MCF2L2: variants seen among roughly 807,000 people sequenced by gnomAD.
MCF2L2 encodes the protein probable guanine nucleotide exchange factor MCF2L2.
Under a neutral mutation model 150.2 loss-of-function variants are expected in MCF2L2, and 102 were observed. That is an observed-to-expected ratio of 0.68 (90% CI 0.58 to 0.80). MCF2L2 has a LOEUF of 0.80. Ranked by LOEUF, MCF2L2 falls within the 30% of genes least tolerant of loss-of-function variation. The pLI, the probability that MCF2L2 is intolerant of heterozygous loss-of-function variation, is 0.00. For missense variants in MCF2L2, 1,256 were observed against 1,372.8 expected, an observed-to-expected ratio of 0.91 and a Z score of 1.34; for synonymous variants, 465 against 491.3, an observed-to-expected ratio of 0.95 and a Z score of 0.71.
At chr3:183,204,463 G>GATAATAATA (rs3075571) in intron 25 of MCF2L2, among the ~76,000 whole-genome samples, 8 of 148,980 alleles carry the variant, frequency 5.4e-5, no homozygotes, top group South Asian at 2.1e-4. Context: ...GGATGGCAAT[G>GATAATAATA]ATAATAATAA....
At chr3:183,224,449 A>T (rs1723270980) in intron 18 of MCF2L2, 1 of 347,980 alleles carries the variant, frequency 2.9e-6, no homozygotes, top group Non-Finnish European at 5.3e-6. Context: ...GTAAATACAT[A>T]AGTAGACTCA....
At chr3:183,378,606 G>GC (rs1713328336) in intron 3 of MCF2L2, 1 of 152,118 alleles carries the variant, frequency 6.6e-6, no homozygotes, top group Non-Finnish European at 1.5e-5. Flanking sequence ...ACAACAATCT[G>GC]CCCCTAATTT....
chr3:183,302,881 T>G (rs1217751484), intron 10 of MCF2L2, among the ~76,000 whole-genome samples: 1 of 152,082 alleles, frequency 6.6e-6, no homozygotes, highest in Non-Finnish European at 1.5e-5. Flanking sequence ...ACTATTTTCT[T>G]TATTTACTTT....
At chr3:183,342,407 A>G (rs1180598956) in intron 3 of MCF2L2, among the ~76,000 whole-genome samples, 1 of 152,154 alleles carries the variant, frequency 6.6e-6, no homozygotes, top group African/African-American at 2.4e-5. Context: ...TTCTCTGTAA[A>G]ATGAGAATCA....
intron 4 of MCF2L2, among the ~76,000 whole-genome samples, chr3:183,340,631 T>G (rs1400115252): frequency 6.6e-6 from 1 of 152,158 alleles, no homozygotes; most frequent in Admixed American, 6.5e-5. Flanking sequence ...GGTTTTACCA[T>G]TGTCTTTCTA....
chr3:183,396,956 T>G (rs188621768), intron 1 of MCF2L2, among the ~76,000 whole-genome samples: 2 of 152,180 alleles, frequency 1.3e-5, no homozygotes, highest in Non-Finnish European at 2.9e-5. Context: ...CCAGGGCCTC[T>G]AGAGAGTGGC....
At chr3:183,317,190 C>T (rs980789229) in intron 7 of MCF2L2, among the ~76,000 whole-genome samples, 4 of 152,222 alleles carry the variant, frequency 2.6e-5, no homozygotes, top group Admixed American at 6.5e-5. Context: ...GTTGAATAAA[C>T]GAACAAATCA....
chr3:183,325,760 G>T (rs1387477004), intron 5 of MCF2L2, among the ~76,000 whole-genome samples: 1 of 152,078 alleles, frequency 6.6e-6, no homozygotes, highest in Admixed American at 6.6e-5. Context: ...CCATGAGGGA[G>T]GTGTGATATC....
At chr3:183,314,182 T>C (rs549862769) in intron 7 of MCF2L2, among the ~76,000 whole-genome samples, 11 of 152,322 alleles carry the variant, frequency 7.2e-5, no homozygotes, top group African/African-American at 1.9e-4. Flanking sequence ...CGCAATTTGA[T>C]TGGAGAGAAA....
chr3:183,392,945 A>G (rs1261237973), intron 1 of MCF2L2, among the ~76,000 whole-genome samples: 1 of 152,246 alleles, frequency 6.6e-6, no homozygotes, highest in Non-Finnish European at 1.5e-5. Flanking sequence ...CTTCAGATTC[A>G]GACAGGCTTG....
chr3:183,367,904 C>G (rs1310498792), intron 3 of MCF2L2, among the ~76,000 whole-genome samples: 1 of 152,182 alleles, frequency 6.6e-6, no homozygotes, highest in Non-Finnish European at 1.5e-5. Context: ...TCAAGAAATA[C>G]AGACATAAAT....
At chr3:183,313,278 T>C (rs1729462185) in intron 7 of MCF2L2, among the ~76,000 whole-genome samples, 1 of 146,598 alleles carries the variant, frequency 6.8e-6, no homozygotes, top group Admixed American at 6.8e-5. Flanking sequence ...TGAGGAAGAG[T>C]TGGGAAGAAA....
intron 15 of MCF2L2, among the ~76,000 whole-genome samples, chr3:183,276,341 G>A (rs1434655590): frequency 6.6e-6 from 1 of 152,202 alleles, no homozygotes; most frequent in Non-Finnish European, 1.5e-5. Flanking sequence ...CAACCAGCGT[G>A]GGTATAAATA....
chr3:183,292,295 C>G (rs1337693124), intron 13 of MCF2L2, among the ~76,000 whole-genome samples: 1 of 152,082 alleles, frequency 6.6e-6, no homozygotes, highest in African/African-American at 2.4e-5. Context: ...TGGCTCACAA[C>G]TGTAATTCCA....
intron 25 of MCF2L2, among the ~76,000 whole-genome samples, chr3:183,201,236 T>C (rs1170214180): frequency 6.6e-6 from 1 of 152,230 alleles, no homozygotes; most frequent in Non-Finnish European, 1.5e-5. Flanking sequence ...ATTTTCACGA[T>C]ATTGATTCTT....
intron 3 of MCF2L2, among the ~76,000 whole-genome samples, chr3:183,358,153 T>C (rs1208755560): frequency 6.6e-6 from 1 of 152,070 alleles, no homozygotes; most frequent in East Asian, 1.9e-4. Flanking sequence ...TATCTGGGCA[T>C]GATGGCGGGC....
intron 2 of MCF2L2, among the ~76,000 whole-genome samples, chr3:183,386,042 C>T (rs953928084): frequency 1.8e-4 from 27 of 152,174 alleles, no homozygotes; most frequent in African/African-American, 4.3e-4. Flanking sequence ...GATCCAATAC[C>T]AAGAGTTTCT....
chr3:183,309,870 C>T, intron 9 of MCF2L2, 35 bp from the exon 10 acceptor site: 1 of 1,610,548 alleles, frequency 6.2e-7, no homozygotes, highest in Non-Finnish European at 8.5e-7. Flanking sequence ...AGAAGTAAAC[C>T]AACACTCACT....
chr3:183,301,251 G>A (rs1342328286), intron 10 of MCF2L2, among the ~76,000 whole-genome samples: 3 of 152,126 alleles, frequency 2.0e-5, no homozygotes, highest in Non-Finnish European at 2.9e-5. Context: ...GGTGCTGGGA[G>A]TTCATTGGTA....
Sources: allele counts gnomAD v4.1 joint callset (sites outside exome capture counted in the v4.1 genomes callset), GRCh38; gene constraint gnomAD v4.1.1; transcripts MANE v1.5; gene names NCBI Gene and HGNC (gene_info 2026-07-23, HGNC 2026-07-21).